TAF7L: variants seen among roughly 807,000 people sequenced by gnomAD.
TAF7L encodes TATA-box binding protein associated factor 7 like, also known as transcription initiation factor TFIID subunit 7-like.
In TAF7L, 6 loss-of-function variants were observed where a neutral mutation model predicts 30.2. The ratio of observed to expected loss-of-function variants is 0.20; its 90% CI spans 0.11 to 0.39. The LOEUF (loss-of-function observed/expected upper bound fraction) is 0.39, where lower values mean the gene tolerates loss of function less well. TAF7L is among the 10% of genes least tolerant of loss of function. The pLI is 1.00. For synonymous variants in TAF7L, 93 were observed against 94.5 expected, an observed-to-expected ratio of 0.98 and a Z score of 0.09; for missense variants, 284 against 277.1, an observed-to-expected ratio of 1.03 and a Z score of -0.18.
chrX:101,276,413 T>A lies in TAF7L; in HGVS notation c.807A>T (p.Lys269Asn), dbSNP rs1361074589. 1 of 1,204,709 alleles carries A rather than the reference T, an allele frequency of 8.3e-7. No homozygotes were observed. The highest frequency in any genetic ancestry group is 1.8e-5 in the South Asian group (1 of 56,740). ...EDEDEDEDED[K>N]EEEEEDCSEE... ...CAGAACAATCTTCCTCCTCCTCTTC[T>A]TTGTCTTCATCTTCATCCTCATCCT... Residue 269 changes from lysine (K) to asparagine (N), a missense_variant, in exon 10 of 13, where the codon AAA becomes AAT. Physicochemically the swap from Lys to Asn is moderately conservative, Grantham distance 94 (BLOSUM62 0). Coordinates refer to ENST00000356784, the MANE Select transcript of TAF7L (RefSeq NM_001168474.2).
intron 12 of TAF7L, 94 bp from the exon 13 acceptor site, chrX:101,269,331 T>C: frequency 1.3e-6 from 1 of 783,954 alleles, no homozygotes; most frequent in Non-Finnish European, 1.9e-6. Context: ...CAAAAAGAAC[T>C]ACTGTTATTT....
intron 6 of TAF7L, among the ~76,000 whole-genome samples, chrX:101,279,535 C>T (rs1392831581): frequency 9.0e-6 from 1 of 111,174 alleles, no homozygotes; most frequent in Admixed American, 9.6e-5. Context: ...GCATGAGAGT[C>T]GCTTGAACCC....
chrX:101,269,272 T>C (rs1347374241), intron 12 of TAF7L, 35 bp from the exon 13 acceptor site: 5 of 1,150,030 alleles, frequency 4.3e-6, no homozygotes, highest in Admixed American at 2.3e-5. Flanking sequence ...GAAAAATTCA[T>C]TTGAAATTTG....
At chrX:101,275,358 G>T in intron 11 of TAF7L, 77 bp from the exon 12 acceptor site, 1 of 752,533 alleles carries the variant, frequency 1.3e-6, no homozygotes, top group Non-Finnish European at 1.9e-6. Flanking sequence ...CAAGGAGTTT[G>T]GCAAATAATT....
intron 1 of TAF7L, among the ~76,000 whole-genome samples, chrX:101,289,302 A>G (rs1470997701): frequency 8.9e-6 from 1 of 112,035 alleles, no homozygotes; most frequent in African/African-American, 3.2e-5. Flanking sequence ...CTTGTTGGAT[A>G]CCTAGATTGA....
chrX:101,282,155 G>C (rs1316042272), intron 5 of TAF7L, among the ~76,000 whole-genome samples, 172 bp downstream of exon 5: 1 of 111,086 alleles, frequency 9.0e-6, no homozygotes, highest in Non-Finnish European at 1.9e-5. Context: ...CAAAGTGCTG[G>C]GATTACAAGC....
At chrX:101,289,851 A>G (rs1924736343) in intron 1 of TAF7L, among the ~76,000 whole-genome samples, 1 of 109,507 alleles carries the variant, frequency 9.1e-6, no homozygotes, top group Non-Finnish European at 1.9e-5. Flanking sequence ...GGCCTCCCAA[A>G]GTGTTGGGAT....
rs760713620 is a variant in TAF7L at position 101,269,033 on chromosome X, G to A, written c.*160C>T. On this transcript the variant is annotated 3_prime_UTR_variant, in exon 13 of 13. Coordinates refer to ENST00000356784, the MANE Select transcript of TAF7L (RefSeq NM_001168474.2). Reference sequence around the variant, plus strand: ...ATTTTTATACTGGCCTTTTCTACATGACTACAAACTGTGAGCATATTTTAA... The same window carrying A: ...ATTTTTATACTGGCCTTTTCTACATAACTACAAACTGTGAGCATATTTTAA... 5.0e-6 allele frequency: 2 copies of A among 399,426 alleles called. No individual in the cohort carries two copies. Among genetic ancestry groups the A allele is most frequent in the Non-Finnish European group, 8.7e-6 (2 of 229,898 alleles). 32.9% of individuals were successfully genotyped at this position (399,426 alleles called of 1,213,427 possible). A position where few individuals can be genotyped will look rare whatever the true frequency, so the allele number is the denominator to read the frequency against.
intron 4 of TAF7L, 69 bp from the exon 5 acceptor site, chrX:101,282,522 T>TA (rs1375965715): frequency 2.7e-6 from 3 of 1,116,357 alleles, no homozygotes; most frequent in African/African-American, 3.6e-5. Context: ...TAATCATTCT[T>TA]ACCACTAGAA....
At chrX:101,281,690 C>A (rs201673133) in intron 6 of TAF7L, 30 bp downstream of exon 6, 1 of 1,200,855 alleles carries the variant, frequency 8.3e-7, no homozygotes, top group Non-Finnish European at 1.1e-6. Context: ...CTAATCGGCC[C>A]GGCAGACACA....
upstream of TAF7L, among the ~76,000 whole-genome samples, chrX:101,292,437 CAAAAAA>C (rs145821944): frequency 2.2e-4 from 8 of 35,725 alleles, no homozygotes; most frequent in African/African-American, 2.6e-4. Context: ...GAAACTCCGT[CAAAAAA>C]AAAAAAAAAA....
upstream of TAF7L, chrX:101,291,442 G>A (rs957984573): frequency 3.1e-4 from 69 of 221,518 alleles, no homozygotes; most frequent in Admixed American, 7.3e-4. Flanking sequence ...CGACTTCGAG[G>A]CAGTGGCCCG....
chrX:101,283,503 T>A lies in TAF7L; in HGVS notation c.226A>T (p.Ser76Cys). 8.3e-7 allele frequency: 1 copy of A among 1,211,779 alleles called. No individual in the cohort carries two copies. The highest frequency in any genetic ancestry group is 3.0e-5 in the East Asian group (1 of 33,855). The change falls in exon 4 of 13, where the codon AGC becomes TGC. Residue 76 changes from serine (S) to cysteine (C), a missense_variant. Transcript: ENST00000356784. ...GTTTTTTTATCAAGCGTTCTCAGGC[T>A]TTCAATAACACAAGGCAAGTCAACC... is the stretch of plus-strand genomic sequence containing the variant. The part of the protein sequence containing the change: ...KLVDLPCVIE[S>C]LRTLDKKTFY...
At chrX:101,282,545 G>A in intron 4 of TAF7L, 92 bp from the exon 5 acceptor site, 1 of 983,886 alleles carries the variant, frequency 1.0e-6, no homozygotes, top group East Asian at 3.1e-5. Context: ...GCACAGAAGA[G>A]ACTGATACTT....
upstream of TAF7L, among the ~76,000 whole-genome samples, chrX:101,291,488 CGGAGCGCCGAGG>C (rs1163482325): frequency 6.0e-3 from 669 of 112,067 alleles, 3 homozygotes; most frequent in Non-Finnish European, 7.4e-3. Context: ...TCGAAAGGCG[CGGAGCGCCGAGG>C]GGAGCGCCGA....
chrX:101,280,481 C>T (rs1187764015), intron 6 of TAF7L, among the ~76,000 whole-genome samples: 1 of 111,411 alleles, frequency 9.0e-6, no homozygotes, highest in Non-Finnish European at 1.9e-5. Flanking sequence ...AGTGACAACA[C>T]CTAATGCTGG....
Position 101,282,405 on chromosome X carries a change from G to C in TAF7L, c.328C>G (p.Pro110Ala). 1 of 1,210,362 alleles carries C rather than the reference G, an allele frequency of 8.3e-7. No individual in the cohort carries two copies. Among genetic ancestry groups the C allele is most frequent in the Non-Finnish European group, 1.1e-6 (1 of 894,597 alleles). ...ATATTAGGATCAGTAGAGGCAGCTG[G>C]TTCTTCTGGAGAAAGGTGGATATCA... is the stretch of plus-strand genomic sequence containing the variant. ...DGDIHLSPEE[P>A]AASTDPNIVR... The change falls in exon 5 of 13, where the codon CCA becomes GCA. Residue 110 changes from proline (P) to alanine (A), a missense_variant. Physicochemically the swap from Pro to Ala is conservative, Grantham distance 27. Transcript: ENST00000356784.
chrX:101,275,912 C>G, intron 11 of TAF7L, 88 bp downstream of exon 11: 2 of 651,184 alleles, frequency 3.1e-6, no homozygotes, highest in African/African-American at 2.2e-5. Flanking sequence ...GAACAAGAAC[C>G]CTGCACAGAG....
intron 6 of TAF7L, among the ~76,000 whole-genome samples, chrX:101,280,478 A>C (rs1266871680): frequency 9.0e-6 from 1 of 111,670 alleles, no homozygotes; most frequent in African/African-American, 3.2e-5. Flanking sequence ...AATAGTGACA[A>C]CACCTAATGC....
Sources: allele counts gnomAD v4.1 joint callset (sites outside exome capture counted in the v4.1 genomes callset), GRCh38; gene constraint gnomAD v4.1.1; transcripts MANE v1.5; gene names NCBI Gene and HGNC (gene_info 2026-07-23, HGNC 2026-07-21).